Variants in PDE1A observed in about 807,000 individuals in gnomAD.
The protein encoded by PDE1A is dual specificity calcium/calmodulin-dependent 3',5'-cyclic nucleotide phosphodiesterase 1A.
In PDE1A, 35 loss-of-function variants were observed where a neutral mutation model predicts 61.7. The observed-to-expected ratio is 0.57, with a 90% confidence interval of 0.43 to 0.75. PDE1A has a LOEUF of 0.75. PDE1A is among the 30% of genes least tolerant of loss of function. The pLI is 0.00. For synonymous variants in PDE1A, 232 were observed against 213.2 expected (o/e 1.09, Z -0.77); for missense variants, 597 against 630.6 (o/e 0.95, Z 0.57).
chr2:182,691,076 C>T, the PDE1A span, among the ~76,000 whole-genome samples: 4 of 152,098 alleles, frequency 2.6e-5, no homozygotes, highest in African/African-American at 9.7e-5. Context: ...GGTAGGAAGA[C>T]TCAATATTGT....
At chr2:182,418,128 T>C (rs929933102) in intron 1 of PDE1A, among the ~76,000 whole-genome samples, 8 of 152,312 alleles carry the variant, frequency 5.3e-5, no homozygotes, top group African/African-American at 1.9e-4. Context: ...TGTTTTATTA[T>C]TACGATTTCC....
intron 1 of PDE1A, among the ~76,000 whole-genome samples, chr2:182,407,468 G>A (rs59161922): frequency 0.67 from 101,836 of 151,802 alleles, 34,737 homozygotes; most frequent in East Asian, 0.96. Context: ...TGCAACCTCT[G>A]TCTCCCAGGT....
chr2:182,676,014 T>G, the PDE1A span, among the ~76,000 whole-genome samples: 1 of 152,212 alleles, frequency 6.6e-6, no homozygotes, highest in Admixed American at 6.5e-5. Context: ...ATCTTTCTCA[T>G]GAAATCTGTG....
chr2:182,458,617 C>T (rs1686075893), intron 2 of PDE1A, among the ~76,000 whole-genome samples: 1 of 152,022 alleles, frequency 6.6e-6, no homozygotes, highest in Admixed American at 6.6e-5. Flanking sequence ...AAAACTAAAG[C>T]TCAGAGATGA....
intron 2 of PDE1A, among the ~76,000 whole-genome samples, chr2:182,441,762 G>A (rs574418721): frequency 2.2e-4 from 34 of 152,132 alleles, no homozygotes; most frequent in African/African-American, 8.2e-4. Flanking sequence ...AATGATGGTA[G>A]CATATCAAAA....
At chr2:182,519,910 T>C (rs1449447625) in intron 2 of PDE1A, among the ~76,000 whole-genome samples, 1 of 151,880 alleles carries the variant, frequency 6.6e-6, no homozygotes, top group East Asian at 1.9e-4. Flanking sequence ...AATAAGTCAA[T>C]ATATTTATAA....
chr2:182,257,243 C>A (rs191361846), intron 2 of PDE1A, among the ~76,000 whole-genome samples: 1 of 152,140 alleles, frequency 6.6e-6, no homozygotes, highest in African/African-American at 2.4e-5. Flanking sequence ...CCAATTTTAT[C>A]CCCTCCCTTG....
chr2:182,633,756 A>G, the PDE1A span, among the ~76,000 whole-genome samples: 1 of 152,130 alleles, frequency 6.6e-6, no homozygotes. Context: ...ACTTCCACCT[A>G]TCTCACAACA....
chr2:182,145,394 G>A (rs566649091), downstream of PDE1A, among the ~76,000 whole-genome samples: 53 of 152,124 alleles, frequency 3.5e-4, no homozygotes, highest in African/African-American at 1.0e-3. Context: ...TCGTCTGCTC[G>A]GGCTTAAATA....
chr2:182,492,382 G>A (rs1688448220), intron 2 of PDE1A, among the ~76,000 whole-genome samples: 1 of 152,124 alleles, frequency 6.6e-6, no homozygotes, highest in South Asian at 2.1e-4. Flanking sequence ...AAATATGATA[G>A]AAGCTCAGTA....
At chr2:182,651,310 T>C in the PDE1A span, among the ~76,000 whole-genome samples, 1 of 152,216 alleles carries the variant, frequency 6.6e-6, no homozygotes, top group African/African-American at 2.4e-5. Context: ...CCTGGCCTTG[T>C]ATTTTTAATG....
the PDE1A span, among the ~76,000 whole-genome samples, chr2:182,635,943 C>T: frequency 2.9e-5 from 4 of 135,732 alleles, no homozygotes; most frequent in African/African-American, 5.6e-5. Context: ...TCGATCTCAC[C>T]GGTATTTTTT....
At chr2:182,178,695 C>T (rs569985803) in intron 13 of PDE1A, among the ~76,000 whole-genome samples, 44 of 152,154 alleles carry the variant, frequency 2.9e-4, no homozygotes, top group Non-Finnish European at 5.4e-4. Flanking sequence ...AATGTCAGGA[C>T]AGGAGAGCCT....
chr2:182,454,110 C>G (rs1205949060), intron 2 of PDE1A, among the ~76,000 whole-genome samples: 1 of 152,098 alleles, frequency 6.6e-6, no homozygotes, highest in Non-Finnish European at 1.5e-5. Context: ...CACAAGCATT[C>G]TTATACACGA....
chr2:182,367,905 A>T (rs538079636), intron 1 of PDE1A, among the ~76,000 whole-genome samples: 11 of 152,218 alleles, frequency 7.2e-5, no homozygotes, highest in Admixed American at 5.9e-4. Flanking sequence ...TAATGTATAG[A>T]ACTTGATCAT....
intron 2 of PDE1A, among the ~76,000 whole-genome samples, chr2:182,451,009 T>C (rs892764258): frequency 6.6e-6 from 1 of 152,114 alleles, no homozygotes; most frequent in Non-Finnish European, 1.5e-5. Context: ...AAGTGAAAGT[T>C]GGGTTCTGAG....
At chr2:182,649,205 TA>T in the PDE1A span, among the ~76,000 whole-genome samples, 1 of 152,136 alleles carries the variant, frequency 6.6e-6, no homozygotes, top group African/African-American at 2.4e-5. Flanking sequence ...TCAGACATAT[TA>T]AAAACAATCT....
chr2:182,211,372 C>CTATT (rs1339563048), intron 7 of PDE1A, among the ~76,000 whole-genome samples: 1 of 152,114 alleles, frequency 6.6e-6, no homozygotes, highest in Non-Finnish European at 1.5e-5. Context: ...TTTCATTGAT[C>CTATT]TATTTGTCTG....
At chr2:182,610,593 C>T in the PDE1A span, among the ~76,000 whole-genome samples, 2 of 151,730 alleles carry the variant, frequency 1.3e-5, no homozygotes, top group Non-Finnish European at 2.9e-5. Context: ...TTTAAAACTG[C>T]TTTAAAATAG....
Sources: gnomAD v4.1 joint callset for allele counts (sites outside exome capture counted in the v4.1 genomes callset) on GRCh38, gnomAD v4.1.1 for gene constraint, MANE v1.5 for transcripts, NCBI Gene and HGNC (gene_info 2026-07-23, HGNC 2026-07-21) for gene names.